NALF1: variants seen among roughly 807,000 people sequenced by gnomAD.
NALF1 encodes family with sequence similarity 155 member A.
A neutral mutation model predicts 48.4 loss-of-function variants in NALF1; 3 were observed. The ratio of observed to expected loss-of-function variants is 0.06; its 90% CI spans 0.03 to 0.16. NALF1 has a LOEUF of 0.16. NALF1 is among the 10% of genes least tolerant of loss of function. NALF1 has a pLI of 1.00. For missense variants in NALF1, 526 were observed against 571.5 expected (o/e 0.92, Z 0.81); for synonymous variants, 262 against 245.7 (o/e 1.07, Z -0.62).
At chr13:107,683,691 A>G (rs1881360645) in intron 1 of NALF1, among the ~76,000 whole-genome samples, 1 of 152,154 alleles carries the variant, frequency 6.6e-6, no homozygotes, top group South Asian at 2.1e-4. Context: ...CCGTGGCAGG[A>G]CTGAAGCTGA....
At chr13:107,768,024 G>C (rs909072587) in intron 1 of NALF1, among the ~76,000 whole-genome samples, 9 of 152,176 alleles carry the variant, frequency 5.9e-5, no homozygotes, top group African/African-American at 1.7e-4. Context: ...GGGGAGAACA[G>C]AGCTGGGTTT....
intron 1 of NALF1, among the ~76,000 whole-genome samples, chr13:107,817,075 A>G (rs1879189469): frequency 6.6e-6 from 1 of 152,228 alleles, no homozygotes; most frequent in African/African-American, 2.4e-5. Context: ...TGAGGGAAAG[A>G]GCAAGAGCAA....
At position 107,362,638 on chromosome 13, in the gene NALF1, A is replaced by G. The variant is rs9559026; in HGVS notation, c.916-151883T>C. Among the ~76,000 whole-genome samples the G allele has an allele frequency of 0.031, 4,779 of 152,222 alleles. 334 individuals are homozygous for G. Among genetic ancestry groups the G allele is most frequent in the East Asian group, 0.31 (1,614 of 5,152 alleles). ...TCTGTGAAGGCCTTATTTCCAAATAAGGTCACATTAACAGATTCTGGGAGT... is the reference window on the plus strand; with the variant it reads ...TCTGTGAAGGCCTTATTTCCAAATAGGGTCACATTAACAGATTCTGGGAGT... On this transcript the variant is annotated intron_variant, in intron 1 of 2. Transcript: ENST00000375915. This position sits in a 1 kb window ranked among gnomAD's most constrained non-coding sequence, Gnocchi z 4.6.
intron 1 of NALF1, among the ~76,000 whole-genome samples, chr13:107,717,041 G>C (rs1303167802): frequency 2.6e-5 from 4 of 152,160 alleles, no homozygotes; most frequent in African/African-American, 9.7e-5. Flanking sequence ...AGTGTGCTTA[G>C]CAGGTAGATA....
intron 1 of NALF1, among the ~76,000 whole-genome samples, chr13:107,627,485 G>C (rs1054598950): frequency 6.6e-6 from 1 of 152,020 alleles, no homozygotes; most frequent in South Asian, 2.1e-4. Context: ...TGTCTTAATG[G>C]GTGCTAGTGA....
intron 1 of NALF1, among the ~76,000 whole-genome samples, chr13:107,706,976 G>A (rs1296436636): frequency 1.7e-5 from 2 of 121,128 alleles, no homozygotes; most frequent in African/African-American, 6.5e-5. Flanking sequence ...AGGCTGGAGT[G>A]CAGTGGCGTG....
chr13:107,296,894 T>C (rs1881736993), intron 1 of NALF1, among the ~76,000 whole-genome samples: 1 of 152,130 alleles, frequency 6.6e-6, no homozygotes, highest in Non-Finnish European at 1.5e-5. Context: ...CAGAATCAAC[T>C]ACACAGTTAC....
Position 107,384,107 on chromosome 13 carries a change from G to T in NALF1, c.916-173352C>A, listed in dbSNP as rs371287164. Among the ~76,000 whole-genome samples, 13 of 152,150 alleles carry T rather than the reference G, an allele frequency of 8.5e-5. No homozygotes were observed. The East Asian group carries it at 1.2e-3, about 14-fold the overall frequency. On this transcript the variant is annotated intron_variant, in intron 1 of 2. Transcript: ENST00000375915. ...CTATAAAAGTTTCTTTAAAAAATTA[G>T]CCAGGCATGGTGGCTCATGCCTGTG...
At chr13:107,213,568 G>T (rs1879811943) in intron 1 of NALF1, among the ~76,000 whole-genome samples, 1 of 152,166 alleles carries the variant, frequency 6.6e-6, no homozygotes, top group Admixed American at 6.5e-5. Context: ...TCCGAAGGAC[G>T]GAGGAGAAAT....
intron 1 of NALF1, among the ~76,000 whole-genome samples, chr13:107,613,685 C>T (rs1241158989): frequency 6.6e-6 from 1 of 152,148 alleles, no homozygotes; most frequent in African/African-American, 2.4e-5. Flanking sequence ...AGGATTTAAT[C>T]CAGTTACTGC....
intron 1 of NALF1, among the ~76,000 whole-genome samples, chr13:107,581,849 T>C (rs1335947378): frequency 6.6e-6 from 1 of 152,178 alleles, no homozygotes; most frequent in East Asian, 1.9e-4. Flanking sequence ...TAGTCTCCCA[T>C]TTTTGGTGAC....
intron 1 of NALF1, among the ~76,000 whole-genome samples, chr13:107,728,481 A>G (rs557937784): frequency 6.0e-4 from 91 of 151,728 alleles, no homozygotes; most frequent in African/African-American, 2.0e-3. Flanking sequence ...GAGTTGAACA[A>G]TGAGAACATG....
chr13:107,196,328 A>T (rs965243589), intron 2 of NALF1, among the ~76,000 whole-genome samples: 4 of 152,236 alleles, frequency 2.6e-5, no homozygotes, highest in African/African-American at 9.6e-5. Context: ...CAGGGAAATC[A>T]TTTATAAGTC....
At position 107,505,722 on chromosome 13, in the gene NALF1, G is replaced by T. The variant is rs572511619; in HGVS notation, c.916-294967C>A. Among the ~76,000 whole-genome samples, 9 of 152,274 alleles carry T rather than the reference G, an allele frequency of 5.9e-5. No homozygotes were observed. The South Asian group carries it at 1.7e-3, about 28-fold the overall frequency. ...CCTCTTACGTAAATAAACAGAGATG[G>T]TCAAGAGAGCTTCATAGTAGGTCAC... is the stretch of plus-strand genomic sequence containing the variant. On this transcript the variant is annotated intron_variant, in intron 1 of 2. Coordinates refer to ENST00000375915, the MANE Select transcript of NALF1 (RefSeq NM_001080396.3).
chr13:107,375,879 G>T (rs1273932699), intron 1 of NALF1, among the ~76,000 whole-genome samples: 1 of 151,880 alleles, frequency 6.6e-6, no homozygotes, highest in Non-Finnish European at 1.5e-5. Flanking sequence ...AAAGTGACCT[G>T]ATGCCCCCTC....
intron 2 of NALF1, among the ~76,000 whole-genome samples, chr13:107,176,473 T>C (rs1396802970): frequency 6.6e-6 from 1 of 151,822 alleles, no homozygotes; most frequent in African/African-American, 2.4e-5. Context: ...AAACCCCATC[T>C]CTACTAAAAA....
chr13:107,310,899 G>A (rs967606340), intron 1 of NALF1, among the ~76,000 whole-genome samples: 7 of 152,124 alleles, frequency 4.6e-5, no homozygotes, highest in Non-Finnish European at 1.0e-4. Flanking sequence ...GACCTCAGAT[G>A]TTCCACCCAC....
At chr13:107,702,530 T>C (rs1010881359) in intron 1 of NALF1, among the ~76,000 whole-genome samples, 3 of 152,132 alleles carry the variant, frequency 2.0e-5, no homozygotes, top group Non-Finnish European at 2.9e-5. Flanking sequence ...TTTTATGGTG[T>C]TTTGTTTTTT....
At chr13:107,514,438 T>TATCG (rs1453436864) in intron 1 of NALF1, among the ~76,000 whole-genome samples, 2 of 139,468 alleles carry the variant, frequency 1.4e-5, no homozygotes, top group East Asian at 4.8e-4. Context: ...TCTATCTATC[T>TATCG]ATCTATCTAT....
Sources: allele counts gnomAD v4.1 joint callset (sites outside exome capture counted in the v4.1 genomes callset), GRCh38; gene constraint gnomAD v4.1.1; non-coding constraint Gnocchi (gnomAD v3.1); transcripts MANE v1.5; gene names NCBI Gene and HGNC (gene_info 2026-07-23, HGNC 2026-07-21).